Variants in C6orf89 observed in about 807,000 individuals in gnomAD.
The protein encoded by C6orf89 is chromosome 6 open reading frame 89, also known as bombesin receptor-activated protein C6orf89.
Under a neutral mutation model 40.7 loss-of-function variants are expected in C6orf89, and 29 were observed. That is an observed-to-expected ratio of 0.71 (90% CI 0.53 to 0.97). The LOEUF (loss-of-function observed/expected upper bound fraction) is 0.97, where lower values mean the gene tolerates loss of function less well. C6orf89 is among the 50% of genes least tolerant of loss of function. The pLI is 0.00. For synonymous variants in C6orf89, 165 were observed against 152.2 expected (o/e 1.08, Z -0.62); for missense variants, 392 against 429.1 (o/e 0.91, Z 0.76).
At chr6:36,898,506 G>A (rs566436731) in intron 2 of C6orf89, among the ~76,000 whole-genome samples, 11 of 151,570 alleles carry the variant, frequency 7.3e-5, no homozygotes, top group Non-Finnish European at 1.2e-4. Flanking sequence ...CTTAAACGCC[G>A]GACCTCAGGT....
chr6:36,899,344 A>C (rs2150690620), intron 2 of C6orf89, 82 bp from the exon 3 acceptor site: 1 of 1,293,392 alleles, frequency 7.7e-7, no homozygotes, highest in Non-Finnish European at 1.1e-6. Flanking sequence ...CCTTCTCTAC[A>C]GATGGTCAAG....
At chr6:36,875,329 C>T (rs953112932) in intron 1 of C6orf89, among the ~76,000 whole-genome samples, 2 of 152,164 alleles carry the variant, frequency 1.3e-5, no homozygotes, top group Non-Finnish European at 2.9e-5. Flanking sequence ...AAAATAGACT[C>T]GGCAGTTAAT....
rs993333314 is a variant in C6orf89 at position 36,925,421 on chromosome 6, A to C, written c.*1980A>C. The C allele has an allele frequency of 6.6e-6, 1 of 152,168 alleles. No individual in the cohort carries two copies. The highest frequency in any genetic ancestry group is 2.4e-5 in the African/African-American group (1 of 41,406). 9.4% of individuals were successfully genotyped at this position (152,168 alleles called of 1,614,324 possible). On this transcript the variant is annotated 3_prime_UTR_variant, in exon 9 of 9. Transcript: ENST00000480824. ...TTTCCCCATTTCACTCTTGCCCTTCACATCTTAAATGTCCATAAGAAACCC... is the reference window on the plus strand; with the variant it reads ...TTTCCCCATTTCACTCTTGCCCTTCCCATCTTAAATGTCCATAAGAAACCC...
chr6:36,924,968 G>A lies in C6orf89; in HGVS notation c.*1527G>A, dbSNP rs1251026282. On this transcript the variant is annotated 3_prime_UTR_variant, in exon 9 of 9. Transcript: ENST00000480824. Reference sequence around the variant, plus strand: ...GAATGGCCTGTTTGTCTATGGGCTTGCAAAGGACAAGCAGAGTTCACAGAG... The same window carrying A: ...GAATGGCCTGTTTGTCTATGGGCTTACAAAGGACAAGCAGAGTTCACAGAG... The A allele has an allele frequency of 2.0e-5, 3 of 152,184 alleles. No homozygotes were observed. Among genetic ancestry groups the A allele is most frequent in the African/African-American group, 7.2e-5 (3 of 41,434 alleles). The allele number at this position is 152,184 out of a possible 1,614,324, so 9.4% of individuals were successfully genotyped here.
rs1186767871 is a variant in C6orf89, at chr6:36,899,623, T to C, written c.179T>C (p.Val60Ala). ...CCCCCGCAGTATCCTCTCCTTATAG[T>C]TGTGTATAAGGTAAAATGTTTCCTG... is the stretch of plus-strand genomic sequence containing the variant. ...RPPPQYPLLI[V>A]VYKVLATLGL... Residue 60 changes from valine to alanine, a missense_variant, in exon 3 of 9, where the codon GTT becomes GCT. Coordinates refer to ENST00000480824, the MANE Select transcript of C6orf89 (RefSeq NM_001286635.2). 8 of 1,613,690 alleles carry C rather than the reference T, an allele frequency of 5.0e-6. No homozygotes were observed. The South Asian group carries it at 7.7e-5, about 16-fold the overall frequency.
intron 1 of C6orf89, chr6:36,874,876 GAT>G: frequency 2.3e-6 from 3 of 1,328,838 alleles, no homozygotes; most frequent in Non-Finnish European, 3.2e-6. Context: ...CAACCCTTTC[GAT>G]ACCAGGATTT....
At chr6:36,910,256 C>T (rs1333048519) in intron 4 of C6orf89, among the ~76,000 whole-genome samples, 2 of 151,868 alleles carry the variant, frequency 1.3e-5, no homozygotes, top group African/African-American at 4.8e-5. Context: ...TGCCCAGCTC[C>T]TTTAGTTATT....
intron 4 of C6orf89, among the ~76,000 whole-genome samples, chr6:36,911,227 C>G (rs537653338): frequency 6.6e-6 from 1 of 152,286 alleles, no homozygotes; most frequent in African/African-American, 2.4e-5. Context: ...CAGTGGCTCA[C>G]GCCTGTAATC....
chr6:36,900,529 ACACTGTGTTGCCCAGG>A (rs923000581), intron 3 of C6orf89, among the ~76,000 whole-genome samples: 2 of 151,664 alleles, frequency 1.3e-5, no homozygotes, highest in Admixed American at 1.3e-4. Context: ...AGTCAAGGTC[ACACTGTGTTGCCCAGG>A]CTGGAGTGCA....
In C6orf89 at chr6:36,899,454, G is replaced by A; in HGVS notation, c.10G>A (p.Ala4Thr). Reference protein sequence around the residue: MDLAANEISIYDKL... With the variant: MDLTANEISIYDKL... ...TTTTATATTGGAAGACATGGATCTT[G>A]CTGCCAACGAGATCAGCATTTATGA... is the stretch of plus-strand genomic sequence containing the variant. The change falls in exon 3 of 9, where the codon GCT (alanine) becomes ACT (threonine). Residue 4 changes from alanine to threonine, a missense_variant. Transcript: ENST00000480824. 2 of 1,614,088 alleles carry A rather than the reference G, an allele frequency of 1.2e-6. No homozygotes were observed. Among genetic ancestry groups the A allele is most frequent in the East Asian group, 2.2e-5 (1 of 44,890 alleles).
intron 1 of C6orf89, chr6:36,874,593 C>T: frequency 2.3e-6 from 3 of 1,322,650 alleles, no homozygotes; most frequent in Non-Finnish European, 3.2e-6. Flanking sequence ...CCGTCTCGGC[C>T]GCTGCTCCAC....
At chr6:36,914,747 TG>T in intron 6 of C6orf89, 54 bp downstream of exon 6, 1 of 1,591,070 alleles carries the variant, frequency 6.3e-7, no homozygotes, top group Non-Finnish European at 8.6e-7. Flanking sequence ...CCCAGCACTT[TG>T]GGAGGCCGAG....
chr6:36,875,055 T>C (rs931461029), intron 1 of C6orf89: 1 of 433,904 alleles, frequency 2.3e-6, no homozygotes, highest in Non-Finnish European at 4.1e-6. Context: ...TTGGTTCGTT[T>C]AGGCATGGAA....
chr6:36,880,432 A>G (rs1774777033), intron 2 of C6orf89, among the ~76,000 whole-genome samples: 1 of 152,188 alleles, frequency 6.6e-6, no homozygotes, highest in African/African-American at 2.4e-5. Flanking sequence ...GTCTAATTAT[A>G]TATGTATTGT....
chr6:36,875,649 C>G (rs1774633239), intron 1 of C6orf89, among the ~76,000 whole-genome samples: 1 of 152,262 alleles, frequency 6.6e-6, no homozygotes, highest in African/African-American at 2.4e-5. Context: ...AAATGCTTTG[C>G]ACACCACTTA....
chr6:36,907,188 G>T (rs1761960830), intron 4 of C6orf89, among the ~76,000 whole-genome samples: 1 of 152,160 alleles, frequency 6.6e-6, no homozygotes, highest in Non-Finnish European at 1.5e-5. Context: ...CAAAACCACT[G>T]CTCTTGTAGA....
chr6:36,919,725 G>T (rs1284708771), intron 8 of C6orf89, 24 bp downstream of exon 8: 1 of 1,571,952 alleles, frequency 6.4e-7, no homozygotes, highest in Non-Finnish European at 8.7e-7. Context: ...CAGGAGGGCA[G>T]GGTCAATGGA....
chr6:36,877,268 C>T (rs1017281021), intron 1 of C6orf89, among the ~76,000 whole-genome samples: 3 of 152,166 alleles, frequency 2.0e-5, no homozygotes, highest in Non-Finnish European at 4.4e-5. Flanking sequence ...AGCAGAATTG[C>T]TGTGTCATAG....
chr6:36,892,935 GAA>G, intron 1 of C6orf89: 1 of 147,122 alleles, frequency 6.8e-6, no homozygotes, highest in Non-Finnish European at 1.5e-5. Context: ...CCTTATGTTT[GAA>G]TTTTTTTTTT....
Sources: allele counts gnomAD v4.1 joint callset (sites outside exome capture counted in the v4.1 genomes callset), GRCh38; gene constraint gnomAD v4.1.1; transcripts MANE v1.5; gene names NCBI Gene and HGNC (gene_info 2026-07-23, HGNC 2026-07-21).